PDE3A: variants seen among roughly 807,000 people sequenced by gnomAD.
The protein encoded by PDE3A is cGMP-inhibited 3',5'-cyclic phosphodiesterase 3A.
A neutral mutation model predicts 98.3 loss-of-function variants in PDE3A; 43 were observed. That is an observed-to-expected ratio of 0.44 (90% CI 0.34 to 0.56). The LOEUF (loss-of-function observed/expected upper bound fraction) is 0.56, where lower values mean the gene tolerates loss of function less well. Among genes scored for constraint, PDE3A ranks in the 20% least tolerant of loss-of-function variants. The pLI is 0.01. For missense variants in PDE3A, 1,427 were observed against 1,440.7 expected, an observed-to-expected ratio of 0.99 and a Z score of 0.15; for synonymous variants, 663 against 567.9, an observed-to-expected ratio of 1.17 and a Z score of -2.38.
Position 20,625,017 on chromosome 12 carries a change from C to A in PDE3A, c.1540+3606C>A, listed in dbSNP as rs550388724. On this transcript the variant is annotated intron_variant, in intron 5 of 15. Transcript: ENST00000359062. The stretch of plus-strand genomic sequence containing the variant: ...AATAGGCAATGAGGCGGAGGGAAAG[C>A]GAGTATGAAGTAAGAAGAGGCATAC... 2.0e-5 allele frequency among the ~76,000 whole-genome samples: 3 copies of A among 152,216 alleles called. No individual in the cohort carries two copies. The South Asian group carries it at 6.2e-4, about 32-fold the overall frequency.
At chr12:20,404,791 G>A (rs1028333190) in intron 1 of PDE3A, among the ~76,000 whole-genome samples, 21 of 147,928 alleles carry the variant, frequency 1.4e-4, no homozygotes, top group Non-Finnish European at 2.2e-4. Flanking sequence ...ACGTGCCAGG[G>A]ACCATTGCCA....
At chr12:20,584,356 T>G (rs931024558) in intron 2 of PDE3A, among the ~76,000 whole-genome samples, 17 of 152,174 alleles carry the variant, frequency 1.1e-4, no homozygotes, top group African/African-American at 4.1e-4. Flanking sequence ...CCTCTCAGAA[T>G]CTCAAACTGT....
rs533591974 is a variant in PDE3A at position 20,456,707 on chromosome 12, T to C, written c.960+86463T>C. Among the ~76,000 whole-genome samples the C allele has an allele frequency of 1.6e-4, 24 of 152,240 alleles. No individual in the cohort carries two copies. The South Asian group carries it at 5.0e-3, about 32-fold the overall frequency. ...AGAGTTGCCAGACATTGCATGGGGG[T>C]GCAACTAGTGATTTGGTTATTTCAG... On this transcript the variant is annotated intron_variant, in intron 1 of 15. Coordinates refer to ENST00000359062, the MANE Select transcript of PDE3A (RefSeq NM_000921.5).
At position 20,580,031 on chromosome 12, in the gene PDE3A, G is replaced by A. The variant is rs1187338147; in HGVS notation, c.1011+23321G>A. ...GGGATGTACAAATGAGACCATGCACGTTAGATCAAAATTTGGTAAATATAA... is the reference window on the plus strand; with the variant it reads ...GGGATGTACAAATGAGACCATGCACATTAGATCAAAATTTGGTAAATATAA... On this transcript the variant is annotated intron_variant, in intron 2 of 15. Coordinates refer to ENST00000359062, the MANE Select transcript of PDE3A (RefSeq NM_000921.5). Among the ~76,000 whole-genome samples the A allele has an allele frequency of 7.9e-5, 12 of 152,146 alleles. No individual in the cohort carries two copies. In the South Asian group the frequency reaches 1.9e-3, roughly 24 times the overall value.
chr12:20,442,467 T>C (rs1387793885), intron 1 of PDE3A, among the ~76,000 whole-genome samples: 4 of 152,208 alleles, frequency 2.6e-5, no homozygotes, highest in African/African-American at 9.7e-5. Context: ...AGTCACACGC[T>C]GGTTCTCAGC....
intron 9 of PDE3A, among the ~76,000 whole-genome samples, chr12:20,637,973 C>T (rs1344553292): frequency 6.6e-6 from 1 of 152,160 alleles, no homozygotes; most frequent in East Asian, 1.9e-4. Context: ...TATGTATCAG[C>T]TTATCTTCAC....
intron 2 of PDE3A, among the ~76,000 whole-genome samples, chr12:20,608,256 T>C (rs1035215219): frequency 6.6e-6 from 1 of 152,222 alleles, no homozygotes; most frequent in Admixed American, 6.5e-5. Flanking sequence ...TTGAAGCCTT[T>C]AGTTATTTGA....
intron 2 of PDE3A, among the ~76,000 whole-genome samples, chr12:20,580,967 C>T (rs986031823): frequency 4.6e-5 from 7 of 152,134 alleles, no homozygotes; most frequent in South Asian, 4.1e-4. Context: ...ACATGTCCTC[C>T]GCCTGCTTTC....
intron 4 of PDE3A, among the ~76,000 whole-genome samples, chr12:20,618,845 G>A (rs74066216): frequency 0.014 from 2,173 of 152,096 alleles, 40 homozygotes; most frequent in African/African-American, 0.05. Flanking sequence ...AGTAAACTTG[G>A]CAAAAGAGAC....
At chr12:20,386,729 G>A (rs1473194144) in intron 1 of PDE3A, among the ~76,000 whole-genome samples, 3 of 151,940 alleles carry the variant, frequency 2.0e-5, no homozygotes, top group African/African-American at 7.3e-5. Context: ...CCATTCTATA[G>A]GTTGTTTGTT....
In PDE3A at chr12:20,379,077, C is replaced by G. The variant is rs571486118; in HGVS notation, c.960+8833C>G. 4.0e-4 allele frequency among the ~76,000 whole-genome samples: 61 copies of G among 151,746 alleles called. 1 individual carries two copies. Among genetic ancestry groups the G allele is most frequent in the African/African-American group, 1.4e-3 (60 of 41,464 alleles). On this transcript the variant is annotated intron_variant, in intron 1 of 15. Coordinates refer to ENST00000359062, the MANE Select transcript of PDE3A (RefSeq NM_000921.5). The stretch of plus-strand genomic sequence containing the variant: ...AAGTTTAAATAACTGAATATTTATG[C>G]TATGTCTGTGGCAAGTGTTTCCTCC...
chr12:20,505,416 A>G (rs1946097700), intron 1 of PDE3A, among the ~76,000 whole-genome samples: 1 of 152,206 alleles, frequency 6.6e-6, no homozygotes, highest in South Asian at 2.1e-4. Context: ...TAAGATCACA[A>G]TGAAAAATGT....
intron 2 of PDE3A, among the ~76,000 whole-genome samples, chr12:20,596,109 G>C (rs1943460229): frequency 6.6e-6 from 1 of 152,092 alleles, no homozygotes. Flanking sequence ...TGTAGAAATT[G>C]ACTCTTCATA....
At chr12:20,430,258 T>A (rs1425927050) in intron 1 of PDE3A, among the ~76,000 whole-genome samples, 2 of 152,148 alleles carry the variant, frequency 1.3e-5, no homozygotes, top group African/African-American at 2.4e-5. Context: ...TTAATAAAAA[T>A]AACTGGCCTT....
chr12:20,480,503 T>G (rs1368856905), intron 1 of PDE3A, among the ~76,000 whole-genome samples: 1 of 152,206 alleles, frequency 6.6e-6, no homozygotes, highest in Admixed American at 6.5e-5. Context: ...AAAAATGTTA[T>G]TTCTCAAAGA....
At chr12:20,496,425 C>T (rs1294696481) in intron 1 of PDE3A, among the ~76,000 whole-genome samples, 1 of 152,106 alleles carries the variant, frequency 6.6e-6, no homozygotes, top group African/African-American at 2.4e-5. Flanking sequence ...TGTAGTAGAA[C>T]CACCTCCACA....
intron 1 of PDE3A, among the ~76,000 whole-genome samples, chr12:20,474,727 G>A (rs1420501007): frequency 6.6e-6 from 1 of 152,084 alleles, no homozygotes; most frequent in East Asian, 1.9e-4. Flanking sequence ...TCTTCACATT[G>A]CCTCGACTGC....
intron 2 of PDE3A, among the ~76,000 whole-genome samples, chr12:20,565,442 C>CACTT (rs1942632167): frequency 6.6e-6 from 1 of 151,922 alleles, no homozygotes; most frequent in Non-Finnish European, 1.5e-5. Context: ...ATTTTTACTT[C>CACTT]ACTTATAGAT....
chr12:20,416,442 A>G (rs989379543), intron 1 of PDE3A, among the ~76,000 whole-genome samples: 1 of 152,204 alleles, frequency 6.6e-6, no homozygotes, highest in African/African-American at 2.4e-5. Flanking sequence ...GTGTGTCACT[A>G]AATGGTCACA....
Sources: gnomAD v4.1 joint callset for allele counts (sites outside exome capture counted in the v4.1 genomes callset) on GRCh38, gnomAD v4.1.1 for gene constraint, MANE v1.5 for transcripts, NCBI Gene and HGNC (gene_info 2026-07-23, HGNC 2026-07-21) for gene names.